IFT81: variants seen among roughly 807,000 people sequenced by gnomAD.
IFT81 encodes intraflagellar transport protein 81 homolog.
Under a neutral mutation model 102.6 loss-of-function variants are expected in IFT81, and 72 were observed. That is an observed-to-expected ratio of 0.70 (90% CI 0.58 to 0.85). The LOEUF (loss-of-function observed/expected upper bound fraction) is 0.85. IFT81 is among the 40% of genes least tolerant of loss of function. IFT81 has a pLI of 0.00. For missense variants in IFT81, 723 were observed against 787.3 expected (o/e 0.92, Z 0.98); for synonymous variants, 237 against 242.7 (o/e 0.98, Z 0.22).
intron 11 of IFT81, among the ~76,000 whole-genome samples, chr12:110,179,773 T>TATATACACAC (rs774113734): frequency 2.0e-5 from 1 of 50,474 alleles, no homozygotes; most frequent in Non-Finnish European, 4.1e-5. Flanking sequence ...TATATATATA[T>TATATACACAC]ACACACACAC....
intron 10 of IFT81, among the ~76,000 whole-genome samples, chr12:110,160,075 CGGTTT>C (rs1393538802): frequency 1.3e-5 from 2 of 152,140 alleles, no homozygotes; most frequent in Admixed American, 6.5e-5. Context: ...CCTCCTCAAA[CGGTTT>C]CGAAACTCTT....
Position 110,143,081 on chromosome 12 carries a change from A to G in IFT81, c.782-301A>G, listed in dbSNP as rs909525785. 9.9e-5 allele frequency among the ~76,000 whole-genome samples: 15 copies of G among 152,278 alleles called. No homozygotes were observed. The South Asian group carries it at 2.7e-3, about 27-fold the overall frequency. On this transcript the variant is annotated intron_variant, in intron 8 of 18. Coordinates refer to ENST00000242591, the MANE Select transcript of IFT81 (RefSeq NM_014055.4). ...TATGACCCAACAATGTATCTGGCTC[A>G]GCACATGTTATTTTTGCGTATTGCG...
At chr12:110,136,881 G>A (rs777070672) in intron 8 of IFT81, 21 bp downstream of exon 8, 2 of 1,401,448 alleles carry the variant, frequency 1.4e-6, no homozygotes, top group Non-Finnish European at 2.0e-6. Context: ...ATTATTATAT[G>A]GTATAGATGA....
rs752043117 is a variant in IFT81, at chr12:110,180,522, G to C, written c.1289G>C (p.Arg430Thr). ...ELKAEFGLLQ[R>T]TEELLKQRHE... ...AAAGCTGAATTCGGTCTTTTGCAGAGGACTGAAGAACTTCTTAAGCAACGT... is the reference window on the plus strand; with the variant it reads ...AAAGCTGAATTCGGTCTTTTGCAGACGACTGAAGAACTTCTTAAGCAACGT... Residue 430 changes from arginine (R) to threonine (T), a missense_variant, in exon 12 of 19, where the codon AGG becomes ACG. Transcript: ENST00000242591. 1 of 1,609,516 alleles carries C rather than the reference G, an allele frequency of 6.2e-7. No individual in the cohort carries two copies. The highest frequency in any genetic ancestry group is 1.1e-5 in the South Asian group (1 of 90,626).
rs1000194377 is a variant in IFT81 at position 110,132,538 on chromosome 12, T to C, written c.430-9T>C. The C allele has an allele frequency of 9.8e-6, 12 of 1,222,778 alleles. No individual in the cohort carries two copies. The Admixed American group carries it at 1.1e-4, about 11-fold the overall frequency. The allele number at this position is 1,222,778 out of a possible 1,614,324, so 75.7% of individuals were successfully genotyped here. ...TATTAGTTTATAATTTCTTAACTTA[T>C]TCTTCTAGTATGAAGAGTTAATGGA... On this transcript the variant is annotated splice_polypyrimidine_tract_variant and intron_variant, in intron 4 of 18. Transcript: ENST00000242591.
chr12:110,152,649 C>A (rs1204165782), intron 10 of IFT81, among the ~76,000 whole-genome samples: 4 of 151,868 alleles, frequency 2.6e-5, no homozygotes, highest in Non-Finnish European at 2.9e-5. Flanking sequence ...CACTCTATTG[C>A]CCAGGCTGGA....
chr12:110,132,636 G>T lies in IFT81; in HGVS notation c.519G>T (p.Lys173Asn). Reference sequence around the variant, plus strand: ...GATTTTCTACAGCAGAAATAAGAAAGGTAAAGGAAAGAAAACATAGTAACA... The same window carrying T: ...GATTTTCTACAGCAGAAATAAGAAATGTAAAGGAAAGAAAACATAGTAACA... ...ISGFSTAEIR[K>N]DISAMEEEKD... Residue 173 changes from lysine to asparagine, a missense_variant and splice_region_variant, in exon 5 of 19, where the codon AAG becomes AAT. By Grantham distance (94) the Lys-to-Asn change is moderately conservative (BLOSUM62 0). Transcript: ENST00000242591. The T allele has an allele frequency of 6.7e-7, 1 of 1,500,504 alleles. No individual in the cohort carries two copies. The highest frequency in any genetic ancestry group is 9.2e-7 in the Non-Finnish European group (1 of 1,090,822). 92.9% of individuals were successfully genotyped at this position (1,500,504 alleles called of 1,614,324 possible). A position where few individuals can be genotyped will look rare whatever the true frequency, so the allele number is the denominator to read the frequency against.
intron 11 of IFT81, among the ~76,000 whole-genome samples, chr12:110,179,043 T>C (rs1897171607): frequency 2.0e-5 from 3 of 152,074 alleles, no homozygotes; most frequent in Admixed American, 2.0e-4. Context: ...TTTGATATGA[T>C]GGGTAGGTAA....
At position 110,136,830 on chromosome 12, in the gene IFT81, C is replaced by G. The variant is rs146931939; in HGVS notation, c.751C>G (p.Arg251Gly). 125 of 1,611,256 alleles carry G rather than the reference C, an allele frequency of 7.8e-5. No homozygotes were observed. Among genetic ancestry groups the G allele is most frequent in the Non-Finnish European group, 1.0e-4 (119 of 1,177,994 alleles). The change falls in exon 8 of 19, where the codon CGC becomes GGC. Residue 251 changes from arginine to glycine, a missense_variant. Coordinates refer to ENST00000242591, the MANE Select transcript of IFT81 (RefSeq NM_014055.4). ...AGTACAAAACCAGCTGAAAAGCATG[C>G]GCCAAGCTGCAGCAGATGCAAAGCC... is the stretch of plus-strand genomic sequence containing the variant. Reference protein sequence around the residue: ...QRVQNQLKSMRQAAADAKPES... With the variant: ...QRVQNQLKSMGQAAADAKPES...
chr12:110,138,973 A>G (rs1894682575), intron 8 of IFT81, among the ~76,000 whole-genome samples: 1 of 152,162 alleles, frequency 6.6e-6, no homozygotes, highest in South Asian at 2.1e-4. Flanking sequence ...TAAGAGAGTA[A>G]TTTAAAATTT....
intron 18 of IFT81, among the ~76,000 whole-genome samples, chr12:110,210,527 C>G (rs1869266844): frequency 6.6e-6 from 1 of 151,800 alleles, no homozygotes; most frequent in Non-Finnish European, 1.5e-5. Flanking sequence ...TTGTTTGAAC[C>G]TGGGAGTTTG....
At chr12:110,209,354 T>C (rs558659021) in intron 18 of IFT81, 138 bp downstream of exon 18, 3 of 429,268 alleles carry the variant, frequency 7.0e-6, no homozygotes, top group Admixed American at 8.6e-5. Context: ...ATTTTAAAGA[T>C]GGAAGACTTC....
In IFT81 at chr12:110,124,649, A is replaced by T. The variant is rs1238124943; in HGVS notation, c.-234A>T. ...GATGAACTGTCGAGGGGCCCAGGGC[A>T]GCCCCCGCTAGAGGCCCGGTCGGGT... On this transcript the variant is annotated 5_prime_UTR_variant, in exon 1 of 19. Coordinates refer to ENST00000242591, the MANE Select transcript of IFT81 (RefSeq NM_014055.4). 3 of 152,270 alleles carry T rather than the reference A, an allele frequency of 2.0e-5. No homozygotes were observed. The highest frequency in any genetic ancestry group is 2.9e-5 in the Non-Finnish European group (2 of 68,140). The allele number at this position is 152,270 out of a possible 1,614,324, so 9.4% of individuals were successfully genotyped here. A position where few individuals can be genotyped will look rare whatever the true frequency, so the allele number is the denominator to read the frequency against.
chr12:110,187,207 A>G (rs1443352003), intron 12 of IFT81, among the ~76,000 whole-genome samples: 3 of 152,094 alleles, frequency 2.0e-5, no homozygotes, highest in African/African-American at 7.2e-5. Flanking sequence ...TATTAATCTC[A>G]GCTATTTTAA....
intron 14 of IFT81, among the ~76,000 whole-genome samples, chr12:110,202,093 C>A (rs1001232035): frequency 6.6e-6 from 1 of 152,174 alleles, no homozygotes; most frequent in Non-Finnish European, 1.5e-5. Flanking sequence ...TATTGCTATA[C>A]TTCTATACAA....
chr12:110,162,733 T>C (rs1896205463), intron 10 of IFT81, among the ~76,000 whole-genome samples, 186 bp from the exon 11 acceptor site: 2 of 152,146 alleles, frequency 1.3e-5, no homozygotes, highest in Non-Finnish European at 2.9e-5. Context: ...GTATTTAATA[T>C]ACATTGTATG....
chr12:110,151,945 T>A (rs576495655), intron 10 of IFT81, among the ~76,000 whole-genome samples: 1 of 152,294 alleles, frequency 6.6e-6, no homozygotes, highest in East Asian at 1.9e-4. Flanking sequence ...TTTAACATAG[T>A]GTCCTTCAGG....
chr12:110,132,579 G>C lies in IFT81; in HGVS notation c.462G>C (p.Leu154Phe). The change falls in exon 5 of 19, where the codon TTG becomes TTC. Residue 154 changes from leucine (L) to phenylalanine (F), a missense_variant. Leu to Phe is a conservative substitution (Grantham distance 22). Transcript: ENST00000242591. The stretch of plus-strand genomic sequence containing the variant: ...AGTTAATGGAAGCCTTTAAAACTTT[G>C]CATAAAGAATATGAGCAGCTCAAGA... ...YEELMEAFKT[L>F]HKEYEQLKIS... The C allele has an allele frequency of 6.4e-7, 1 of 1,573,128 alleles. No individual in the cohort carries two copies.
At chr12:110,183,486 C>T (rs938758164) in intron 12 of IFT81, among the ~76,000 whole-genome samples, 6 of 152,308 alleles carry the variant, frequency 3.9e-5, no homozygotes, top group Non-Finnish European at 7.4e-5. Flanking sequence ...TTGGCTCATA[C>T]GTAACTTCCA....
Sources: allele counts gnomAD v4.1 joint callset (sites outside exome capture counted in the v4.1 genomes callset), GRCh38; gene constraint gnomAD v4.1.1; transcripts MANE v1.5; gene names NCBI Gene and HGNC (gene_info 2026-07-23, HGNC 2026-07-21).